The following IGF2 variants were observed in gnomAD, a reference collection of about 807,000 sequenced individuals.
IGF2 encodes the protein insulin like growth factor 2.
IGF2 carries 2 observed loss-of-function variants against 12.0 expected under a neutral mutation model. The observed-to-expected ratio is 0.17, with a 90% CI of 0.07 to 0.52. The LOEUF is 0.52. Among genes scored for constraint, IGF2 ranks in the 20% least tolerant of loss-of-function variants. The pLI, the probability that IGF2 is intolerant of heterozygous loss-of-function variation, is 0.95. For synonymous variants in IGF2, 105 were observed against 110.1 expected, an observed-to-expected ratio of 0.95 and a Z score of 0.29; for missense variants, 211 against 268.0, an observed-to-expected ratio of 0.79 and a Z score of 1.48.
chr11:2,131,618 GCATGTGTGTGCTGTGTGCTGTGTT>G lies in IGF2; in HGVS notation c.*1345_*1368del, dbSNP rs1305721590. ...CTGTGCATGCGTGTGTGCTGTGTGT[GCATGTGTGTGCTGTGTGCTGTGTT>G]CATGTGTGTGCTGTGTGTGCGTGTG... On this transcript the variant is annotated 3_prime_UTR_variant, in exon 4 of 4. Transcript: ENST00000416167. 1.9e-5 allele frequency: 4 copies of G among 205,384 alleles called. No individual in the cohort carries two copies. Among genetic ancestry groups the G allele is most frequent in the African/African-American group, 4.8e-5 (2 of 41,980 alleles). The allele number at this position is 205,384 out of a possible 1,614,324, so 12.7% of individuals were successfully genotyped here. A position where few individuals can be genotyped will look rare whatever the true frequency, so the allele number is the denominator to read the frequency against.
At chr11:2,135,714 G>A (rs1021643003) in intron 1 of IGF2, among the ~76,000 whole-genome samples, 185 bp from the exon 2 acceptor site, 6 of 152,236 alleles carry the variant, frequency 3.9e-5, no homozygotes, top group Non-Finnish European at 7.3e-5. Context: ...TGAGGGCGCA[G>A]GGCCATGTGC....
the IGF2 span, chr11:2,149,044 G>A: frequency 1.5e-6 from 2 of 1,304,778 alleles, no homozygotes; most frequent in Non-Finnish European, 2.2e-6. Flanking sequence ...CCTGGCAGCT[G>A]CCCCAAGCTC....
upstream of IGF2, chr11:2,140,543 G>T (rs1031191978): frequency 3.7e-5 from 19 of 508,438 alleles, no homozygotes; most frequent in African/African-American, 3.6e-4. Flanking sequence ...GCACTTTACC[G>T]CCCGGCGGGA....
chr11:2,136,291 T>A (rs3213218), intron 1 of IGF2, among the ~76,000 whole-genome samples: 5,538 of 152,282 alleles, frequency 0.036, 326 homozygotes, highest in African/African-American at 0.12. Context: ...GAGCCTCCTT[T>A]CCAGGCCTCA....
chr11:2,144,841 C>T (rs1054137201), upstream of IGF2, among the ~76,000 whole-genome samples: 5 of 152,098 alleles, frequency 3.3e-5, no homozygotes, highest in African/African-American at 1.2e-4. Flanking sequence ...GGGGCAACTA[C>T]AGTGGGCATT....
At chr11:2,140,640 T>C (rs1345390448), upstream of IGF2, 1 of 499,918 alleles carries the variant, frequency 2.0e-6, no homozygotes, top group Non-Finnish European at 3.8e-6. Context: ...ATGAGATCTT[T>C]GCAATGAGCA....
At chr11:2,149,120 A>G in the IGF2 span, 1 of 1,611,846 alleles carries the variant, frequency 6.2e-7, no homozygotes, top group Non-Finnish European at 8.5e-7. Flanking sequence ...ATGGGAGCCC[A>G]GTTACCTGTA....
In IGF2 at chr11:2,135,407, G is replaced by A. The variant is rs964614306; in HGVS notation, c.117C>T (p.Asp39=). Residue 39 remains aspartate, a synonymous_variant, in exon 2 of 4, where the codon GAC becomes GAT. Coordinates refer to ENST00000416167, the MANE Select transcript of IGF2 (RefSeq NM_000612.6). ...SETLCGGELV[D]TLQFVCGDRG... ...GGTCCCCACAGACGAACTGGAGGGT[G>A]TCCACCAGCTCCCCGCCGCACAGGG... 2 of 1,613,638 alleles carry A rather than the reference G, an allele frequency of 1.2e-6. No individual in the cohort carries two copies. The highest frequency in any genetic ancestry group is 8.5e-7 in the Non-Finnish European group (1 of 1,179,920).
chr11:2,134,007 G>C, intron 2 of IGF2: 1 of 437,182 alleles, frequency 2.3e-6, no homozygotes, highest in Non-Finnish European at 4.3e-6. Context: ...TGGGATGTGA[G>C]CCCAGTTCAG....
rs1372133510 is a variant in IGF2, at chr11:2,137,215, G to A, written c.-7+1014C>T. On this transcript the variant is annotated intron_variant, in intron 1 of 3. Transcript: ENST00000416167. ...ACAGCTCAGCAGAAGGCTCGCTGGG[G>A]CAGGAGGAGGAGGAGGAAGAGGAGG... 3.0e-6 allele frequency: 3 copies of A among 994,724 alleles called. No homozygotes were observed. The African/African-American group carries it at 5.2e-5, about 17-fold the overall frequency. 61.6% of individuals were successfully genotyped at this position (994,724 alleles called of 1,614,324 possible). A position where few individuals can be genotyped will look rare whatever the true frequency, so the allele number is the denominator to read the frequency against.
chr11:2,132,883 C>T lies in IGF2; in HGVS notation c.*104G>A, dbSNP rs1052860378. The T allele has an allele frequency of 7.5e-6, 6 of 800,358 alleles. No homozygotes were observed. Among genetic ancestry groups the T allele is most frequent in the Admixed American group, 2.7e-5 (1 of 37,520 alleles). 49.6% of individuals were successfully genotyped at this position (800,358 alleles called of 1,614,324 possible). A position where few individuals can be genotyped will look rare whatever the true frequency, so the allele number is the denominator to read the frequency against. On this transcript the variant is annotated 3_prime_UTR_variant, in exon 4 of 4. Transcript: ENST00000416167. ...TGGGTCAGGAGAAGCCCCAGGGGGA[C>T]GTGGAACCGAGAGATTTTCGGGATG...
At position 2,131,883 on chromosome 11, in the gene IGF2, CGTTT is replaced by C; in HGVS notation, c.*1100_*1103del. ...GTGCTGTGTGTGCGTGTGTGCTGTGCGTTTGTGTGTGCTGTGCGTTTGTGTGTGT... is the reference window on the plus strand; with the variant it reads ...GTGCTGTGTGTGCGTGTGTGCTGTGCGTGTGTGCTGTGCGTTTGTGTGTGT... On this transcript the variant is annotated 3_prime_UTR_variant, in exon 4 of 4. Coordinates refer to ENST00000416167, the MANE Select transcript of IGF2 (RefSeq NM_000612.6). 1 of 64,640 alleles carries C rather than the reference CGTTT, an allele frequency of 1.5e-5. No homozygotes were observed. Among genetic ancestry groups the C allele is most frequent in the Non-Finnish European group, 2.7e-5 (1 of 36,874 alleles). 4.0% of individuals were successfully genotyped at this position (64,640 alleles called of 1,614,324 possible). A position where few individuals can be genotyped will look rare whatever the true frequency, so the allele number is the denominator to read the frequency against.
chr11:2,134,495 G>C (rs1858851917), intron 2 of IGF2, among the ~76,000 whole-genome samples: 1 of 152,264 alleles, frequency 6.6e-6, no homozygotes, highest in African/African-American at 2.4e-5. Context: ...GGGGCTTCCA[G>C]AGTCAAGCAG....
Position 2,138,624 on chromosome 11 carries a change from G to A in IGF2, c.-402C>T, listed in dbSNP as rs1032662786. 4.7e-5 allele frequency: 46 copies of A among 982,598 alleles called. No homozygotes were observed. Among genetic ancestry groups the A allele is most frequent in the African/African-American group, 5.3e-5 (3 of 56,448 alleles). The allele number at this position is 982,598 out of a possible 1,614,324, so 60.9% of individuals were successfully genotyped here. A position where few individuals can be genotyped will look rare whatever the true frequency, so the allele number is the denominator to read the frequency against. ...AGCGAGAGGCGGGCAGGCGCACAGC[G>A]GGAGAGAACAGCACGGAGAGAAACA... is the stretch of plus-strand genomic sequence containing the variant. On this transcript the variant is annotated 5_prime_UTR_variant, in exon 1 of 4. Coordinates refer to ENST00000416167, the MANE Select transcript of IGF2 (RefSeq NM_000612.6).
rs1858390954 is a variant in IGF2 at position 2,129,525 on chromosome 11, G to A, written c.*3462C>T. ...GGCGAGGCAGAATATAACACTGGGT[G>A]GGTGGGTGTCCTGACGAATGGGCAG... On this transcript the variant is annotated 3_prime_UTR_variant, in exon 4 of 4. Transcript: ENST00000416167. The surrounding 1 kb of genome is among the most constrained non-coding windows in gnomAD (Gnocchi z 8.1). 1.3e-5 allele frequency: 3 copies of A among 228,074 alleles called. No individual in the cohort carries two copies. The Admixed American group carries it at 1.7e-4, about 13-fold the overall frequency. The allele number at this position is 228,074 out of a possible 1,614,324, so 14.1% of individuals were successfully genotyped here. A position where few individuals can be genotyped will look rare whatever the true frequency, so the allele number is the denominator to read the frequency against.
Position 2,135,547 on chromosome 11 carries a change from G to A in IGF2, c.-6-18C>T. 1 of 1,609,158 alleles carries A rather than the reference G, an allele frequency of 6.2e-7. No individual in the cohort carries two copies. The highest frequency in any genetic ancestry group is 1.1e-5 in the South Asian group (1 of 90,590). On this transcript the variant is annotated intron_variant, in intron 1 of 3. Transcript: ENST00000416167. Reference sequence around the variant, plus strand: ...ATTGGTGTCTGGGGGCGGGAGAGAAGTGGCGTGAGCGGGGCAGCCAGGCCA... The same window carrying A: ...ATTGGTGTCTGGGGGCGGGAGAGAAATGGCGTGAGCGGGGCAGCCAGGCCA...
the IGF2 span, chr11:2,147,318 G>A: frequency 2.7e-6 from 1 of 366,314 alleles, no homozygotes; most frequent in African/African-American, 2.1e-5. The surrounding 1 kb of genome is among the most constrained non-coding windows in gnomAD (Gnocchi z 7.2). Context: ...CGTCTCCCAG[G>A]AGCTCCCCTG....
At chr11:2,147,729 T>G in the IGF2 span, 8 of 1,249,294 alleles carry the variant, frequency 6.4e-6, no homozygotes. This position sits in a 1 kb window ranked among gnomAD's most constrained non-coding sequence, Gnocchi z 7.2. Context: ...GGGGCTGAGC[T>G]GGCAGCGATT....
upstream of IGF2, among the ~76,000 whole-genome samples, chr11:2,144,951 G>A (rs1300421366): frequency 6.6e-6 from 1 of 152,196 alleles, no homozygotes; most frequent in Non-Finnish European, 1.5e-5. Flanking sequence ...TTGGACAGGT[G>A]TGGGGAGCTG....
Sources: allele counts gnomAD v4.1 joint callset (sites outside exome capture counted in the v4.1 genomes callset), GRCh38; gene constraint gnomAD v4.1.1; non-coding constraint Gnocchi (gnomAD v3.1); transcripts MANE v1.5; gene names NCBI Gene and HGNC (gene_info 2026-07-23, HGNC 2026-07-21).